The following AK8 variants were observed in gnomAD, a reference collection of about 807,000 sequenced individuals.
The protein encoded by AK8 is adenylate kinase 8, also known as ATP-AMP transphosphorylase 8.
A neutral mutation model predicts 54.6 loss-of-function variants in AK8; 44 were observed. The ratio of observed to expected loss-of-function variants is 0.81; its 90% CI spans 0.63 to 1.04. AK8 has a LOEUF of 1.04. Ranked by LOEUF, AK8 falls within the 50% of genes least tolerant of loss-of-function variation. The pLI is 0.00. For synonymous variants in AK8, 239 were observed against 245.6 expected (o/e 0.97, Z 0.25); for missense variants, 555 against 613.6 (o/e 0.90, Z 1.01).
intron 2 of AK8, among the ~76,000 whole-genome samples, chr9:132,868,428 C>G (rs1032390522): frequency 6.6e-6 from 1 of 152,156 alleles, no homozygotes; most frequent in Non-Finnish European, 1.5e-5. Flanking sequence ...CTCCTTATGG[C>G]TGTTCCCTCC....
chr9:132,734,427 C>T (rs149050791), intron 11 of AK8, among the ~76,000 whole-genome samples: 1 of 152,202 alleles, frequency 6.6e-6, no homozygotes, highest in East Asian at 1.9e-4. Flanking sequence ...CAGGGTGAGG[C>T]CTGAAAATGG....
intron 11 of AK8, among the ~76,000 whole-genome samples, chr9:132,785,808 A>C (rs1468430566): frequency 6.6e-6 from 1 of 152,258 alleles, no homozygotes; most frequent in Non-Finnish European, 1.5e-5. Flanking sequence ...TGTGTCATCA[A>C]CAAAAAATAA....
At chr9:132,775,126 C>T (rs1839155477) in intron 11 of AK8, among the ~76,000 whole-genome samples, 1 of 142,034 alleles carries the variant, frequency 7.0e-6, no homozygotes, top group Non-Finnish European at 1.5e-5. Flanking sequence ...CAGGGGATGG[C>T]AAAGGGACCC....
At chr9:132,852,689 G>T (rs1843012116) in intron 5 of AK8, among the ~76,000 whole-genome samples, 1 of 137,934 alleles carries the variant, frequency 7.2e-6, no homozygotes, top group East Asian at 2.4e-4. Context: ...TGAATTGCTT[G>T]AACTTGGGAG....
In AK8 at chr9:132,844,367, G is replaced by A. The variant is rs901378039; in HGVS notation, c.402+10490C>T. Among the ~76,000 whole-genome samples the A allele has an allele frequency of 9.2e-5, 14 of 151,476 alleles. 1 individual carries two copies. The highest frequency in any genetic ancestry group is 5.2e-4 in the Admixed American group (8 of 15,240). Reference sequence around the variant, plus strand: ...CTGCATTAACTACAGAATCCTGATGGGTTATGATTGCGTTATTTTTCCCTG... The same window carrying A: ...CTGCATTAACTACAGAATCCTGATGAGTTATGATTGCGTTATTTTTCCCTG... On this transcript the variant is annotated intron_variant, in intron 5 of 12. Transcript: ENST00000298545.
intron 11 of AK8, among the ~76,000 whole-genome samples, chr9:132,743,320 G>C (rs1837483915): frequency 6.6e-6 from 1 of 152,250 alleles, no homozygotes; most frequent in East Asian, 1.9e-4. Flanking sequence ...TCACCTGGGG[G>C]ACAAGTGCAT....
chr9:132,813,472 C>T (rs1841174539), intron 10 of AK8, among the ~76,000 whole-genome samples: 1 of 152,240 alleles, frequency 6.6e-6, no homozygotes, highest in Non-Finnish European at 1.5e-5. Context: ...GCCCGCACTG[C>T]TCACTATAAT....
At chr9:132,780,099 A>T (rs1052365613) in intron 11 of AK8, among the ~76,000 whole-genome samples, 1 of 152,198 alleles carries the variant, frequency 6.6e-6, no homozygotes. Flanking sequence ...GAAAGGGAAG[A>T]AGTGTCCTCA....
At chr9:132,828,577 G>A (rs1006116745) in intron 6 of AK8, 68 bp downstream of exon 6, 21 of 1,411,882 alleles carry the variant, frequency 1.5e-5, no homozygotes, top group South Asian at 2.5e-5. Flanking sequence ...CAGCATGAGC[G>A]GGGCGCTCAC....
intron 11 of AK8, among the ~76,000 whole-genome samples, chr9:132,759,776 GTTAGTAGATCTAAT>G (rs1403833928): frequency 1.3e-5 from 2 of 152,200 alleles, no homozygotes; most frequent in African/African-American, 4.8e-5. Flanking sequence ...TGTGTCACTG[GTTAGTAGATCTAAT>G]TTAGTGCTAA....
rs371663127 is a variant in AK8 at position 132,753,868 on chromosome 9, C to T, written c.1122-26334G>A. Among the ~76,000 whole-genome samples the T allele has an allele frequency of 2.0e-5, 3 of 152,346 alleles. No homozygotes were observed. The South Asian group carries it at 6.2e-4, about 32-fold the overall frequency. ...AGGTCTCCTCTTCGTATTTACTCAT[C>T]CAGTCTTTCCACTGCCGTCTGAATT... On this transcript the variant is annotated intron_variant, in intron 11 of 12. Transcript: ENST00000298545.
intron 5 of AK8, among the ~76,000 whole-genome samples, chr9:132,846,914 T>C (rs144659555): frequency 1.1e-4 from 17 of 152,318 alleles, no homozygotes; most frequent in Non-Finnish European, 2.2e-4. Context: ...CCCGTGAAGC[T>C]GGAGAAGCTG....
At chr9:132,762,211 C>T (rs774880356) in intron 11 of AK8, among the ~76,000 whole-genome samples, 23 of 152,066 alleles carry the variant, frequency 1.5e-4, no homozygotes, top group Non-Finnish European at 2.8e-4. Flanking sequence ...AGAGATTTGT[C>T]GGTTTATTAA....
At chr9:132,758,583 G>A (rs758699245) in intron 11 of AK8, among the ~76,000 whole-genome samples, 11 of 151,936 alleles carry the variant, frequency 7.2e-5, no homozygotes, top group East Asian at 1.9e-4. Context: ...CCAGGTAGCT[G>A]GGATTACAGG....
chr9:132,844,539 G>C (rs530369739), intron 5 of AK8, among the ~76,000 whole-genome samples: 1 of 152,128 alleles, frequency 6.6e-6, no homozygotes, highest in Non-Finnish European at 1.5e-5. Context: ...TTTGGATGAG[G>C]GTTTGTTTTG....
chr9:132,813,272 AC>A (rs1233372334), intron 10 of AK8, among the ~76,000 whole-genome samples: 1 of 151,802 alleles, frequency 6.6e-6, no homozygotes, highest in East Asian at 1.9e-4. Flanking sequence ...CTTGAACTCC[AC>A]CCCGCGGACT....
rs574085235 is a variant in AK8, at chr9:132,784,638, G to A, written c.1121+7996C>T. Among the ~76,000 whole-genome samples, 19 of 152,290 alleles carry A rather than the reference G, an allele frequency of 1.2e-4. No homozygotes were observed. The South Asian group carries it at 3.5e-3, about 28-fold the overall frequency. On this transcript the variant is annotated intron_variant, in intron 11 of 12. Coordinates refer to ENST00000298545, the MANE Select transcript of AK8 (RefSeq NM_152572.3). Reference sequence around the variant, plus strand: ...GAAGGGATTTGGAACACTGAGGGCGGGGGAGGAGCTTGGGGAGAGAAAGAA... The same window carrying A: ...GAAGGGATTTGGAACACTGAGGGCGAGGGAGGAGCTTGGGGAGAGAAAGAA...
Position 132,792,626 on chromosome 9 carries a change from C to T in AK8, c.1121+8G>A. ...GCCAGGGCTGCTGGCTTGGCTGGGG[C>T]AGCTCACCTGTTGGGATTGTAGCCC... On this transcript the variant is annotated splice_region_variant and intron_variant, in intron 11 of 12. Coordinates refer to ENST00000298545, the MANE Select transcript of AK8 (RefSeq NM_152572.3). 6.5e-7 allele frequency: 1 copy of T among 1,548,838 alleles called. No homozygotes were observed. Among genetic ancestry groups the T allele is most frequent in the Non-Finnish European group, 8.7e-7 (1 of 1,146,464 alleles).
intron 5 of AK8, among the ~76,000 whole-genome samples, chr9:132,836,904 G>A (rs1029653413): frequency 3.3e-5 from 5 of 152,234 alleles, no homozygotes; most frequent in Admixed American, 6.5e-5. Flanking sequence ...TACAGGCAAC[G>A]ATGTACCTAA....
Sources: gnomAD v4.1 joint callset for allele counts (sites outside exome capture counted in the v4.1 genomes callset) on GRCh38, gnomAD v4.1.1 for gene constraint, MANE v1.5 for transcripts, NCBI Gene and HGNC (gene_info 2026-07-23, HGNC 2026-07-21) for gene names.